Variants in CCDC91 observed in about 807,000 individuals in gnomAD.
CCDC91 encodes coiled-coil domain-containing protein 91.
A neutral mutation model predicts 63.2 loss-of-function variants in CCDC91; 48 were observed. That is an observed-to-expected ratio of 0.76 (90% CI 0.60 to 0.97). The LOEUF is 0.97. Among genes scored for constraint, CCDC91 ranks in the 50% least tolerant of loss-of-function variants. The pLI is 0.00. For synonymous variants in CCDC91, 167 were observed against 165.8 expected, an observed-to-expected ratio of 1.01 and a Z score of -0.06; for missense variants, 500 against 494.6, an observed-to-expected ratio of 1.01 and a Z score of -0.10.
At chr12:28,439,978 A>G (rs1415355244) in intron 8 of CCDC91, among the ~76,000 whole-genome samples, 4 of 152,122 alleles carry the variant, frequency 2.6e-5, no homozygotes, top group African/African-American at 9.6e-5. Flanking sequence ...GCTAAAAAAA[A>G]AAAAAGTCTA....
chr12:28,375,446 C>T (rs984540096), intron 7 of CCDC91, among the ~76,000 whole-genome samples: 2 of 151,780 alleles, frequency 1.3e-5, no homozygotes, highest in East Asian at 3.9e-4. Context: ...CATCTCTTCA[C>T]CTTCTTGGGC....
chr12:28,469,067 G>T (rs1950681838), intron 11 of CCDC91, among the ~76,000 whole-genome samples: 1 of 151,936 alleles, frequency 6.6e-6, no homozygotes, highest in Admixed American at 6.6e-5. Flanking sequence ...ATTCATCGTA[G>T]TACTGGAAGC....
chr12:28,456,430 G>A (rs1224304724), intron 11 of CCDC91, among the ~76,000 whole-genome samples: 1 of 152,046 alleles, frequency 6.6e-6, no homozygotes, highest in Non-Finnish European at 1.5e-5. Flanking sequence ...TTTCATATAA[G>A]TCAATTTATA....
At chr12:28,325,290 G>A (rs937801739) in intron 6 of CCDC91, among the ~76,000 whole-genome samples, 4 of 151,978 alleles carry the variant, frequency 2.6e-5, no homozygotes, top group African/African-American at 9.7e-5. Flanking sequence ...TCTGTTAGGA[G>A]GTCTGAATGT....
intron 12 of CCDC91, among the ~76,000 whole-genome samples, chr12:28,538,826 G>A (rs1252598048): frequency 2.6e-5 from 4 of 152,160 alleles, no homozygotes; most frequent in Non-Finnish European, 1.5e-5. Context: ...GTATCTCATT[G>A]TGGTTTTGAT....
intron 12 of CCDC91, among the ~76,000 whole-genome samples, chr12:28,497,150 A>G (rs1392095994): frequency 6.6e-6 from 1 of 151,200 alleles, no homozygotes; most frequent in African/African-American, 2.4e-5. Flanking sequence ...TGAGATTTCC[A>G]TTGTTTCTTG....
intron 3 of CCDC91, among the ~76,000 whole-genome samples, chr12:28,290,100 A>G (rs1949151434): frequency 6.6e-6 from 1 of 151,804 alleles, no homozygotes; most frequent in Non-Finnish European, 1.5e-5. Context: ...TATTTCTGTC[A>G]GTGGGGTTTT....
At position 28,412,886 on chromosome 12, in the gene CCDC91, G is replaced by A. The variant is rs150060462; in HGVS notation, c.762+21475G>A. ...AGGAAAGTTCCCCAACTCCCTACTCGACCCAGGAAGTCCAGCTGGCCTCAC... is the reference window on the plus strand; with the variant it reads ...AGGAAAGTTCCCCAACTCCCTACTCAACCCAGGAAGTCCAGCTGGCCTCAC... On this transcript the variant is annotated intron_variant, in intron 8 of 12. Coordinates refer to ENST00000536442, the MANE Select transcript of CCDC91 (RefSeq NM_018318.5). 1.3e-4 allele frequency: 55 copies of A among 422,648 alleles called. 2 individuals are homozygous for A. Among genetic ancestry groups the A allele is most frequent in the African/African-American group, 3.5e-4 (17 of 48,794 alleles). 26.2% of individuals were successfully genotyped at this position (422,648 alleles called of 1,614,324 possible).
chr12:28,497,639 T>C (rs1249452349), intron 12 of CCDC91, among the ~76,000 whole-genome samples: 1 of 151,554 alleles, frequency 6.6e-6, no homozygotes, highest in Non-Finnish European at 1.5e-5. Flanking sequence ...CAGCGTACAT[T>C]GAGATTGAGT....
intron 12 of CCDC91, among the ~76,000 whole-genome samples, chr12:28,533,409 G>A (rs1182615551): frequency 1.3e-5 from 2 of 151,842 alleles, no homozygotes; most frequent in Non-Finnish European, 2.9e-5. Context: ...TCCATCAATA[G>A]TTTACGTGGC....
At chr12:28,493,699 C>T (rs1331228456) in intron 12 of CCDC91, among the ~76,000 whole-genome samples, 1 of 151,894 alleles carries the variant, frequency 6.6e-6, no homozygotes. Context: ...TTCTTCCATA[C>T]TTACATATAG....
chr12:28,339,419 A>T (rs1942253991), intron 6 of CCDC91, among the ~76,000 whole-genome samples: 1 of 152,094 alleles, frequency 6.6e-6, no homozygotes, highest in African/African-American at 2.4e-5. Context: ...TGGGGCTGGC[A>T]TACTTAAACA....
At chr12:28,443,874 T>C (rs1485009807) in intron 8 of CCDC91, among the ~76,000 whole-genome samples, 2 of 152,248 alleles carry the variant, frequency 1.3e-5, no homozygotes, top group African/African-American at 4.8e-5. Context: ...CCAATAGTTA[T>C]AAAAATTAAT....
intron 6 of CCDC91, among the ~76,000 whole-genome samples, chr12:28,344,224 A>G (rs1229511507): frequency 9.2e-5 from 14 of 152,270 alleles, no homozygotes; most frequent in African/African-American, 3.1e-4. Flanking sequence ...CTTGGAGTTA[A>G]TAAAACCACA....
intron 12 of CCDC91, among the ~76,000 whole-genome samples, chr12:28,498,134 ATAGT>A (rs1381600055): frequency 1.3e-5 from 2 of 151,668 alleles, no homozygotes; most frequent in African/African-American, 2.4e-5. Flanking sequence ...TTATATAATC[ATAGT>A]TAGTAAAAAT....
intron 1 of CCDC91, among the ~76,000 whole-genome samples, chr12:28,211,640 C>A (rs977864649): frequency 6.6e-6 from 1 of 152,112 alleles, no homozygotes; most frequent in African/African-American, 2.4e-5. Context: ...TGTAAGAGTT[C>A]GTTGCCTCTT....
intron 1 of CCDC91, among the ~76,000 whole-genome samples, chr12:28,194,848 T>A (rs575557745): frequency 6.6e-6 from 1 of 152,188 alleles, no homozygotes; most frequent in African/African-American, 2.4e-5. Flanking sequence ...AGGTGGCGTG[T>A]CCGGAGTTGT....
chr12:28,415,930 T>A (rs1179943767), intron 8 of CCDC91, among the ~76,000 whole-genome samples: 1 of 152,044 alleles, frequency 6.6e-6, no homozygotes, highest in Non-Finnish European at 1.5e-5. Context: ...CAAATGTAAT[T>A]GTCAGGCTGT....
intron 11 of CCDC91, among the ~76,000 whole-genome samples, chr12:28,458,059 A>G (rs1273076872): frequency 6.6e-6 from 1 of 152,068 alleles, no homozygotes; most frequent in African/African-American, 2.4e-5. Flanking sequence ...TCAGTGGTTA[A>G]ATTTTCCTTA....
Sources: allele counts gnomAD v4.1 joint callset (sites outside exome capture counted in the v4.1 genomes callset), GRCh38; gene constraint gnomAD v4.1.1; transcripts MANE v1.5; gene names NCBI Gene and HGNC (gene_info 2026-07-23, HGNC 2026-07-21).